The following OPCML variants were observed in gnomAD, a reference collection of about 807,000 sequenced individuals.
The protein encoded by OPCML is opioid binding protein/cell adhesion molecule like.
A neutral mutation model predicts 37.8 loss-of-function variants in OPCML; 13 were observed. The observed-to-expected ratio is 0.34, with a 90% CI of 0.22 to 0.55. The LOEUF (loss-of-function observed/expected upper bound fraction) is 0.55. OPCML is among the 20% of genes least tolerant of loss of function. The pLI is 0.91. For synonymous variants in OPCML, 176 were observed against 168.8 expected (o/e 1.04, Z -0.33); for missense variants, 341 against 435.6 (o/e 0.78, Z 1.93).
chr11:133,456,368 G>A (rs753872539), intron 1 of OPCML, among the ~76,000 whole-genome samples: 20 of 151,998 alleles, frequency 1.3e-4, no homozygotes, highest in South Asian at 2.1e-4. Flanking sequence ...GGCTGATCCC[G>A]AGGCTGAAAG....
chr11:133,053,407 CTT>C (rs2136970328), intron 1 of OPCML, among the ~76,000 whole-genome samples: 1 of 152,306 alleles, frequency 6.6e-6, no homozygotes, highest in African/African-American at 2.4e-5. Context: ...TCTCTGCTCT[CTT>C]TAACAACAAA....
At chr11:133,055,365 C>T (rs1474014278) in intron 1 of OPCML, among the ~76,000 whole-genome samples, 9 of 150,534 alleles carry the variant, frequency 6.0e-5, no homozygotes, top group Admixed American at 1.3e-4. Context: ...TACAATGCTG[C>T]CTCCATGATA....
rs756158598 is a variant in OPCML, at chr11:132,576,239, C to T, written c.380-47053G>A. Among the ~76,000 whole-genome samples, 58 of 142,956 alleles carry T rather than the reference C, an allele frequency of 4.1e-4. No homozygotes were observed. The Middle Eastern group carries it at 0.026, about 63-fold the overall frequency. 93.8% of individuals were successfully genotyped at this position (142,956 alleles called of 152,430 possible). A position where few individuals can be genotyped will look rare whatever the true frequency, so the allele number is the denominator to read the frequency against. ...TTTCAGTTATTATTTCTTTGAATAA[C>T]TTTCTGGTCCTTTCTTTCTCTCTTC... On this transcript the variant is annotated intron_variant, in intron 3 of 7. Transcript: ENST00000524381.
intron 1 of OPCML, among the ~76,000 whole-genome samples, chr11:133,346,561 C>T (rs909122367): frequency 1.3e-5 from 2 of 152,158 alleles, no homozygotes; most frequent in African/African-American, 4.8e-5. Flanking sequence ...AATGCAGTCA[C>T]CAGGTGTCTG....
At chr11:132,560,562 T>C (rs1048730473) in intron 3 of OPCML, among the ~76,000 whole-genome samples, 2 of 152,190 alleles carry the variant, frequency 1.3e-5, no homozygotes, top group Non-Finnish European at 2.9e-5. Context: ...TACATCTTTG[T>C]TTTCTCATAG....
chr11:133,373,717 A>G (rs1944736718), intron 1 of OPCML, among the ~76,000 whole-genome samples: 1 of 152,070 alleles, frequency 6.6e-6, no homozygotes, highest in African/African-American at 2.4e-5. Context: ...TACCAAAAAA[A>G]TAAGTAAGTA....
intron 2 of OPCML, among the ~76,000 whole-genome samples, chr11:132,808,622 C>G (rs967396506): frequency 6.6e-6 from 1 of 152,126 alleles, no homozygotes; most frequent in African/African-American, 2.4e-5. Context: ...AAATGAAACA[C>G]GACTGTGAGC....
At chr11:133,142,375 A>G (rs978561545) in intron 1 of OPCML, among the ~76,000 whole-genome samples, 3 of 152,186 alleles carry the variant, frequency 2.0e-5, no homozygotes, top group African/African-American at 4.8e-5. Flanking sequence ...ACCTATGTCC[A>G]TGTCACTCTT....
intron 1 of OPCML, among the ~76,000 whole-genome samples, chr11:133,442,561 T>A (rs1157322625): frequency 6.6e-6 from 1 of 152,058 alleles, no homozygotes; most frequent in Non-Finnish European, 1.5e-5. Flanking sequence ...AGGCTTCCAG[T>A]GAAACAATTT....
intron 2 of OPCML, among the ~76,000 whole-genome samples, chr11:132,725,454 G>T (rs1291048587): frequency 6.6e-6 from 1 of 152,152 alleles, no homozygotes; most frequent in Non-Finnish European, 1.5e-5. Context: ...GACTGTAATG[G>T]GAGGGGCTAC....
chr11:133,461,947 T>C (rs1946870038), intron 1 of OPCML, among the ~76,000 whole-genome samples: 1 of 151,346 alleles, frequency 6.6e-6, no homozygotes, highest in Admixed American at 6.6e-5. Flanking sequence ...ACCAACGGAG[T>C]AGAACAAAGA....
chr11:132,687,938 C>T (rs965220828), intron 2 of OPCML, among the ~76,000 whole-genome samples: 8 of 152,134 alleles, frequency 5.3e-5, no homozygotes, highest in Non-Finnish European at 1.2e-4. Flanking sequence ...CTGTGATTTA[C>T]TATAGAATGC....
chr11:132,963,917 T>TA (rs1946153286), intron 1 of OPCML, among the ~76,000 whole-genome samples: 1 of 152,172 alleles, frequency 6.6e-6, no homozygotes, highest in African/African-American at 2.4e-5. Flanking sequence ...CTTCTGTAGT[T>TA]ACACACTTGG....
chr11:133,341,792 C>T (rs1276100858), intron 1 of OPCML, among the ~76,000 whole-genome samples: 1 of 152,052 alleles, frequency 6.6e-6, no homozygotes, highest in African/African-American at 2.4e-5. Flanking sequence ...AGTGGTGGCA[C>T]CTGTAATCCC....
intron 1 of OPCML, among the ~76,000 whole-genome samples, chr11:133,325,706 G>A (rs764342053): frequency 6.6e-6 from 1 of 152,204 alleles, no homozygotes; most frequent in Non-Finnish European, 1.5e-5. Context: ...CAGGAGGGAT[G>A]ACTACTTGCC....
At chr11:132,697,042 A>T (rs1314437397) in intron 2 of OPCML, among the ~76,000 whole-genome samples, 1 of 152,244 alleles carries the variant, frequency 6.6e-6, no homozygotes, top group African/African-American at 2.4e-5. Flanking sequence ...AGGATTAGTC[A>T]TCAGGACTGA....
chr11:132,908,280 T>C (rs60574416), intron 2 of OPCML, among the ~76,000 whole-genome samples: 16,409 of 151,204 alleles, frequency 0.11, 1,193 homozygotes, highest in African/African-American at 0.2. Flanking sequence ...ACATAAGGTC[T>C]CTCTCTCTCA....
intron 1 of OPCML, among the ~76,000 whole-genome samples, chr11:133,317,716 C>T: frequency 6.6e-6 from 1 of 152,292 alleles, no homozygotes; most frequent in East Asian, 1.9e-4. Flanking sequence ...AACTTAAAAC[C>T]AGATGAGATA....
chr11:133,138,557 C>G (rs1949725381), intron 1 of OPCML, among the ~76,000 whole-genome samples: 1 of 152,196 alleles, frequency 6.6e-6, no homozygotes, highest in African/African-American at 2.4e-5. Context: ...GAAAATAGGA[C>G]AATCTGCTTA....
Sources: gnomAD v4.1 joint callset for allele counts (sites outside exome capture counted in the v4.1 genomes callset) on GRCh38, gnomAD v4.1.1 for gene constraint, MANE v1.5 for transcripts, NCBI Gene and HGNC (gene_info 2026-07-23, HGNC 2026-07-21) for gene names.